FBXL7: variants seen among roughly 807,000 people sequenced by gnomAD.
FBXL7 encodes the protein F-box and leucine rich repeat protein 7.
A neutral mutation model predicts 38.3 loss-of-function variants in FBXL7; 12 were observed. The observed-to-expected ratio is 0.31, with a 90% confidence interval of 0.20 to 0.51. The LOEUF (loss-of-function observed/expected upper bound fraction) is 0.51, where lower values mean the gene tolerates loss of function less well. Ranked by LOEUF, FBXL7 falls within the 20% of genes least tolerant of loss-of-function variation. The probability of loss-of-function intolerance (pLI) is 0.98; values close to 1 mark genes in which losing one functional copy is unlikely to be tolerated. For missense variants in FBXL7, 567 were observed against 676.4 expected, an observed-to-expected ratio of 0.84 and a Z score of 1.79; for synonymous variants, 297 against 300.9, an observed-to-expected ratio of 0.99 and a Z score of 0.13.
At chr5:15,839,484 A>G (rs192142728) in intron 2 of FBXL7, among the ~76,000 whole-genome samples, 182 of 152,120 alleles carry the variant, frequency 1.2e-3, no homozygotes, top group African/African-American at 4.2e-3. Context: ...TATTGCATAT[A>G]TCTTTTTTTC....
chr5:15,858,722 C>G lies in FBXL7; in HGVS notation c.128-69168C>G, dbSNP rs868847350. ...GATCTTTCTTTGCTTTTTAAAGGAG[C>G]CAAATTATTTTGATTTTTTGAGTCT... On this transcript the variant is annotated intron_variant, in intron 2 of 3. Transcript: ENST00000504595. Among the ~76,000 whole-genome samples the G allele has an allele frequency of 2.0e-5, 3 of 151,982 alleles. No individual in the cohort carries two copies. In the South Asian group the frequency reaches 6.2e-4, roughly 32 times the overall value.
chr5:15,734,979 T>C (rs1195767241), intron 2 of FBXL7, among the ~76,000 whole-genome samples: 2 of 152,214 alleles, frequency 1.3e-5, no homozygotes, highest in Non-Finnish European at 2.9e-5. Flanking sequence ...TTGCCCCCGC[T>C]GGAGTACAAG....
chr5:15,819,619 C>G (rs1339954063), intron 2 of FBXL7, among the ~76,000 whole-genome samples: 1 of 152,062 alleles, frequency 6.6e-6, no homozygotes, highest in Non-Finnish European at 1.5e-5. Flanking sequence ...TAGTAAAAGA[C>G]AATATATTTC....
chr5:15,674,164 T>A (rs559279060), intron 2 of FBXL7, among the ~76,000 whole-genome samples: 1 of 152,176 alleles, frequency 6.6e-6, no homozygotes, highest in Admixed American at 6.5e-5. Flanking sequence ...GAGACTAGAT[T>A]AAGAACTAGT....
intron 2 of FBXL7, among the ~76,000 whole-genome samples, chr5:15,753,224 C>T (rs930950999): frequency 3.9e-5 from 6 of 152,090 alleles, no homozygotes; most frequent in East Asian, 1.9e-4. Context: ...ATTCAATGAG[C>T]GCTTCAATTC....
intron 1 of FBXL7, among the ~76,000 whole-genome samples, chr5:15,609,594 C>T (rs1054242926): frequency 1.3e-5 from 2 of 152,182 alleles, no homozygotes; most frequent in Non-Finnish European, 2.9e-5. Flanking sequence ...TCTCTTGTTG[C>T]GGCTAATAGA....
At chr5:15,583,565 C>G (rs1034563537) in intron 1 of FBXL7, among the ~76,000 whole-genome samples, 3 of 152,196 alleles carry the variant, frequency 2.0e-5, no homozygotes, top group African/African-American at 7.2e-5. Context: ...GGTCCCCATG[C>G]AAGTCCAAAA....
intron 2 of FBXL7, among the ~76,000 whole-genome samples, chr5:15,789,008 G>A (rs1737205257): frequency 6.6e-6 from 1 of 151,770 alleles, no homozygotes. Flanking sequence ...CCGCCACCGC[G>A]CCCAGCTAAT....
intron 2 of FBXL7, among the ~76,000 whole-genome samples, chr5:15,691,571 G>A (rs551710230): frequency 6.6e-6 from 1 of 152,306 alleles, no homozygotes; most frequent in South Asian, 2.1e-4. Context: ...GTGCTGCTCA[G>A]TGTACTTCTG....
At position 15,928,301 on chromosome 5, in the gene FBXL7, A is replaced by G; in HGVS notation, c.539A>G (p.Asp180Gly). The G allele has an allele frequency of 6.2e-7, 1 of 1,613,606 alleles. No individual in the cohort carries two copies. Among genetic ancestry groups the G allele is most frequent in the Non-Finnish European group, 8.5e-7 (1 of 1,179,748 alleles). ...GTGCTGACCCGCAGACTCTGCCAGGACACCCCCAACGTGTGTCTCATGCTG... is the reference window on the plus strand; with the variant it reads ...GTGCTGACCCGCAGACTCTGCCAGGGCACCCCCAACGTGTGTCTCATGCTG... ...LKVLTRRLCQ[D>G]TPNVCLMLET... is the part of the protein sequence containing the mutation. Residue 180 changes from aspartate to glycine, a missense_variant, in exon 3 of 4, where the codon GAC becomes GGC. Asp to Gly is a moderately conservative substitution (Grantham distance 94, BLOSUM62 -1). Transcript: ENST00000504595. The surrounding 1 kb of genome is among the most constrained non-coding windows in gnomAD (Gnocchi z 4.0).
intron 2 of FBXL7, among the ~76,000 whole-genome samples, chr5:15,685,268 T>C (rs1742982700): frequency 1.3e-5 from 2 of 152,226 alleles, no homozygotes; most frequent in Admixed American, 1.3e-4. Context: ...GAACATGATA[T>C]TAAGCACCTA....
chr5:15,634,078 G>T (rs1391524994), intron 2 of FBXL7, among the ~76,000 whole-genome samples: 4 of 151,972 alleles, frequency 2.6e-5, no homozygotes, highest in Non-Finnish European at 4.4e-5. Flanking sequence ...ACCACACCCA[G>T]CTGGGGCAAA....
intron 2 of FBXL7, among the ~76,000 whole-genome samples, chr5:15,775,379 C>T (rs2126715081): frequency 6.8e-6 from 1 of 146,484 alleles, no homozygotes; most frequent in Admixed American, 6.9e-5. Flanking sequence ...TCCTACCCCA[C>T]CATATACACA....
chr5:15,768,567 T>A (rs569541074), intron 2 of FBXL7, among the ~76,000 whole-genome samples: 17 of 151,306 alleles, frequency 1.1e-4, no homozygotes, highest in Non-Finnish European at 2.4e-4. Flanking sequence ...ACACTGCCAC[T>A]GATATACAAA....
chr5:15,594,176 C>T (rs973021862), intron 1 of FBXL7, among the ~76,000 whole-genome samples: 1 of 152,116 alleles, frequency 6.6e-6, no homozygotes, highest in African/African-American at 2.4e-5. Context: ...CACTGCTACA[C>T]CATGCAATGA....
intron 1 of FBXL7, among the ~76,000 whole-genome samples, chr5:15,519,888 G>A (rs1178957598): frequency 3.9e-5 from 6 of 152,144 alleles, no homozygotes; most frequent in East Asian, 3.9e-4. Context: ...AATTCAGGGC[G>A]AGTCCATACA....
At chr5:15,839,287 GTTC>G (rs1190271601) in intron 2 of FBXL7, among the ~76,000 whole-genome samples, 1 of 151,712 alleles carries the variant, frequency 6.6e-6, no homozygotes, top group Admixed American at 6.6e-5. Context: ...TGCTTTTTGT[GTTC>G]CTTTTAAAAA....
At chr5:15,658,785 T>A (rs1430906349) in intron 2 of FBXL7, among the ~76,000 whole-genome samples, 3 of 152,162 alleles carry the variant, frequency 2.0e-5, no homozygotes, top group Non-Finnish European at 2.9e-5. Context: ...CCATACAATG[T>A]CTGAAATCTA....
At chr5:15,643,454 G>A (rs1388979134) in intron 2 of FBXL7, among the ~76,000 whole-genome samples, 1 of 152,152 alleles carries the variant, frequency 6.6e-6, no homozygotes, top group Non-Finnish European at 1.5e-5. Flanking sequence ...CAAGGCAAGG[G>A]CATAGAAAGA....
Sources: gnomAD v4.1 joint callset for allele counts (sites outside exome capture counted in the v4.1 genomes callset) on GRCh38, gnomAD v4.1.1 for gene constraint, Gnocchi (gnomAD v3.1) non-coding constraint, MANE v1.5 for transcripts, NCBI Gene and HGNC (gene_info 2026-07-23, HGNC 2026-07-21) for gene names.